Variants in IL1RAPL2 observed in about 807,000 individuals in gnomAD.
The protein encoded by IL1RAPL2 is X-linked interleukin-1 receptor accessory protein-like 2.
In IL1RAPL2, 3 loss-of-function variants were observed where a neutral mutation model predicts 44.1. That is an observed-to-expected ratio of 0.07 (90% CI 0.03 to 0.18). The LOEUF (loss-of-function observed/expected upper bound fraction) is 0.18. Among genes scored for constraint, IL1RAPL2 ranks in the 10% least tolerant of loss-of-function variants. IL1RAPL2 has a pLI of 1.00. For synonymous variants in IL1RAPL2, 181 were observed against 178.8 expected (o/e 1.01, Z -0.10); for missense variants, 391 against 496.4 (o/e 0.79, Z 2.02).
At chrX:104,919,942 G>A (rs1924585061) in intron 2 of IL1RAPL2, among the ~76,000 whole-genome samples, 1 of 110,803 alleles carries the variant, frequency 9.0e-6, no homozygotes, top group South Asian at 3.8e-4. Context: ...TGTTTTGTGT[G>A]ACTTGTATGT....
At chrX:105,326,957 G>A (rs1224427866) in intron 5 of IL1RAPL2, among the ~76,000 whole-genome samples, 1 of 111,762 alleles carries the variant, frequency 8.9e-6, no homozygotes, top group African/African-American at 3.3e-5. Context: ...AAATGGAAAA[G>A]GATCTAGAAA....
chrX:104,994,112 A>G (rs2147733218), intron 2 of IL1RAPL2, among the ~76,000 whole-genome samples: 1 of 112,063 alleles, frequency 8.9e-6, no homozygotes, highest in African/African-American at 3.2e-5. Context: ...TACTTTATTT[A>G]TAATAGCCCC....
intron 2 of IL1RAPL2, among the ~76,000 whole-genome samples, chrX:105,067,125 A>AT (rs1420481684): frequency 1.8e-5 from 2 of 112,124 alleles, no homozygotes; most frequent in Admixed American, 9.5e-5. Flanking sequence ...AGATGTTACC[A>AT]TGTAGTCATC....
At chrX:105,625,438 G>A in intron 6 of IL1RAPL2, among the ~76,000 whole-genome samples, 1 of 112,104 alleles carries the variant, frequency 8.9e-6, no homozygotes, top group Non-Finnish European at 1.9e-5. Context: ...AATGAAATCT[G>A]CCTGTGGATG....
At chrX:105,731,528 A>G (rs1284035692) in intron 7 of IL1RAPL2, among the ~76,000 whole-genome samples, 1 of 111,547 alleles carries the variant, frequency 9.0e-6, no homozygotes, top group Non-Finnish European at 1.9e-5. Flanking sequence ...TTATTGAAGC[A>G]CTATTGACAA....
intron 5 of IL1RAPL2, among the ~76,000 whole-genome samples, chrX:105,395,642 A>T (rs1488172156): frequency 9.0e-6 from 1 of 111,133 alleles, no homozygotes; most frequent in Non-Finnish European, 1.9e-5. Context: ...GTTTGAAAAA[A>T]ATCTCAGTGT....
intron 2 of IL1RAPL2, among the ~76,000 whole-genome samples, chrX:104,686,796 C>A (rs992487707): frequency 8.9e-6 from 1 of 112,121 alleles, no homozygotes; most frequent in African/African-American, 3.2e-5. Flanking sequence ...ACTCTCCCAC[C>A]GTTTAAACCA....
intron 2 of IL1RAPL2, among the ~76,000 whole-genome samples, chrX:104,788,172 C>T (rs1932808252): frequency 8.9e-6 from 1 of 112,190 alleles, no homozygotes; most frequent in African/African-American, 3.2e-5. Flanking sequence ...CATCAGTATG[C>T]AGTTTGGGGT....
rs2037441948 is a variant in IL1RAPL2, at chrX:105,624,726, T to C, written c.773-92641T>C. ...ATAACATCAAGCCTCAAAGTTGAGC[T>C]CTGGAGTCACACTGACATGGCATGA... On this transcript the variant is annotated intron_variant, in intron 6 of 10. Transcript: ENST00000372582. Among the ~76,000 whole-genome samples the C allele has an allele frequency of 9.0e-5, 10 of 111,507 alleles. No individual in the cohort carries two copies. The Admixed American group carries it at 9.6e-4, about 11-fold the overall frequency.
intron 2 of IL1RAPL2, among the ~76,000 whole-genome samples, chrX:104,914,355 G>C (rs916450784): frequency 9.0e-6 from 1 of 111,705 alleles, no homozygotes; most frequent in Non-Finnish European, 1.9e-5. Flanking sequence ...TACCTCATTT[G>C]CATCTCAATG....
At chrX:105,430,094 C>T (rs765427177) in intron 5 of IL1RAPL2, among the ~76,000 whole-genome samples, 1 of 111,773 alleles carries the variant, frequency 8.9e-6, no homozygotes, top group South Asian at 3.7e-4. Context: ...TAACCAAGCC[C>T]TGTCTGTAGT....
intron 1 of IL1RAPL2, among the ~76,000 whole-genome samples, chrX:104,606,323 A>T (rs1163347401): frequency 8.9e-6 from 1 of 111,817 alleles, no homozygotes; most frequent in East Asian, 2.8e-4. Context: ...CATATCACAA[A>T]ATAATAAGAG....
At chrX:104,987,567 C>G (rs979251487) in intron 2 of IL1RAPL2, among the ~76,000 whole-genome samples, 5 of 110,460 alleles carry the variant, frequency 4.5e-5, no homozygotes, top group African/African-American at 1.6e-4. Context: ...CGCTTTGTGT[C>G]CTTTAGCAAA....
chrX:105,417,567 T>C (rs1435973540), intron 5 of IL1RAPL2, among the ~76,000 whole-genome samples: 1 of 112,962 alleles, frequency 8.9e-6, no homozygotes, highest in East Asian at 2.8e-4. Flanking sequence ...ACTAAAATTA[T>C]TTGTTTTTAC....
chrX:104,679,647 C>A (rs1930856356), intron 2 of IL1RAPL2, among the ~76,000 whole-genome samples: 1 of 111,824 alleles, frequency 8.9e-6, no homozygotes, highest in Admixed American at 9.5e-5. Flanking sequence ...TATCATCAGG[C>A]TTCTTGGATC....
At chrX:104,781,069 A>AT (rs3081258) in intron 2 of IL1RAPL2, among the ~76,000 whole-genome samples, 1,214 of 104,401 alleles carry the variant, frequency 0.012, 8 homozygotes, top group African/African-American at 0.03. Flanking sequence ...ACTTAGTTTT[A>AT]TTTTTTTTTT....
chrX:104,658,969 T>C lies in IL1RAPL2; in HGVS notation c.56T>C (p.Leu19Pro). The part of the protein sequence containing the change: ...LVVCSVVSTN[L>P]KMVSKRNSVD... ...GTCTGTTCTGTAGTCAGCACAAATC[T>C]GAAGATGGTGTCAAAGAGAAATTCT... The change falls in exon 2 of 11, where the codon CTG becomes CCG. Residue 19 changes from leucine (L) to proline (P), a missense_variant. This residue lies in a region of IL1RAPL2 where 159 missense variants were observed against 251.7 expected (regional missense o/e 0.63). Transcript: ENST00000372582. 8.3e-7 allele frequency: 1 copy of C among 1,204,229 alleles called. No individual in the cohort carries two copies. The highest frequency in any genetic ancestry group is 1.8e-5 in the South Asian group (1 of 56,090).
At chrX:105,736,967 T>C (rs1036905336) in intron 7 of IL1RAPL2, among the ~76,000 whole-genome samples, 1 of 111,638 alleles carries the variant, frequency 9.0e-6, no homozygotes, top group African/African-American at 3.3e-5. Flanking sequence ...AGCAAAGACA[T>C]GGAATCAACT....
At chrX:105,263,313 C>T (rs563214151) in intron 4 of IL1RAPL2, among the ~76,000 whole-genome samples, 36 of 111,513 alleles carry the variant, frequency 3.2e-4, no homozygotes, top group Middle Eastern at 4.6e-3. Flanking sequence ...CTAGAGGTTA[C>T]ATGGTTAGTT....
Sources: gnomAD v4.1 joint callset for allele counts (sites outside exome capture counted in the v4.1 genomes callset) on GRCh38, gnomAD v4.1.1 for gene constraint, gnomAD v4.1.1 regional missense constraint, MANE v1.5 for transcripts, NCBI Gene and HGNC (gene_info 2026-07-23, HGNC 2026-07-21) for gene names.